The following RTN4RL1 variants were observed in gnomAD, a reference collection of about 807,000 sequenced individuals.
RTN4RL1 encodes reticulon 4 receptor like 1, also known as reticulon-4 receptor-like 1.
Under a neutral mutation model 25.6 loss-of-function variants are expected in RTN4RL1, and 7 were observed. The ratio of observed to expected loss-of-function variants is 0.27; its 90% confidence interval spans 0.16 to 0.51. The LOEUF (loss-of-function observed/expected upper bound fraction) is 0.51, where lower values mean the gene tolerates loss of function less well. Among genes scored for constraint, RTN4RL1 ranks in the 20% least tolerant of loss-of-function variants. RTN4RL1 has a pLI of 0.97. For missense variants in RTN4RL1, 500 were observed against 615.6 expected (o/e 0.81, Z 1.99); for synonymous variants, 297 against 288.2 (o/e 1.03, Z -0.31).
At chr17:1,949,792 G>A (rs1199712911) in intron 1 of RTN4RL1, among the ~76,000 whole-genome samples, 2 of 152,176 alleles carry the variant, frequency 1.3e-5, no homozygotes, top group Admixed American at 6.5e-5. Context: ...TAAGTGCTGG[G>A]GACAAAAAGG....
At chr17:1,990,492 G>C (rs1224438665) in intron 1 of RTN4RL1, among the ~76,000 whole-genome samples, 2 of 152,130 alleles carry the variant, frequency 1.3e-5, no homozygotes, top group African/African-American at 4.8e-5. Context: ...CTTGAGCTCA[G>C]GAGTTCAAGA....
chr17:2,005,643 G>A (rs1297199357), intron 1 of RTN4RL1, among the ~76,000 whole-genome samples: 2 of 152,028 alleles, frequency 1.3e-5, no homozygotes, highest in Non-Finnish European at 2.9e-5. Flanking sequence ...GAGGTGGGAG[G>A]ATCGCCTGAG....
intron 1 of RTN4RL1, among the ~76,000 whole-genome samples, chr17:1,983,558 C>T (rs572159705): frequency 6.6e-6 from 1 of 152,282 alleles, no homozygotes; most frequent in Non-Finnish European, 1.5e-5. Flanking sequence ...AGCACCACGC[C>T]TGGCTAACAG....
intron 1 of RTN4RL1, among the ~76,000 whole-genome samples, chr17:1,959,680 T>C (rs1022460804): frequency 2.0e-5 from 3 of 152,142 alleles, no homozygotes; most frequent in African/African-American, 7.2e-5. Context: ...TTCTCACACC[T>C]CAGCCTCCTG....
chr17:1,966,501 G>A (rs1448470130), intron 1 of RTN4RL1, among the ~76,000 whole-genome samples: 2 of 152,274 alleles, frequency 1.3e-5, no homozygotes, highest in African/African-American at 4.8e-5. Context: ...GGAATCCAAG[G>A]AGCAGCCTAA....
At chr17:2,004,769 T>TA (rs1372368462) in intron 1 of RTN4RL1, among the ~76,000 whole-genome samples, 1 of 152,166 alleles carries the variant, frequency 6.6e-6, no homozygotes. Flanking sequence ...CTGCTGGTCT[T>TA]GAGTTTCCTG....
chr17:1,995,697 A>G (rs1265083903), intron 1 of RTN4RL1: 2 of 152,276 alleles, frequency 1.3e-5, no homozygotes, highest in Admixed American at 6.5e-5. Context: ...AAGATCTACC[A>G]TCAAAGGTAA....
intron 1 of RTN4RL1, among the ~76,000 whole-genome samples, chr17:1,961,799 T>TAAAAAAACAAAAAAG (rs2066763351): frequency 2.6e-5 from 1 of 39,066 alleles, no homozygotes; most frequent in Non-Finnish European, 6.3e-5. Flanking sequence ...AAAAAAAAAA[T>TAAAAAAACAAAAAAG]TAGCAGGGCG....
At chr17:1,962,117 TAA>T (rs71150837) in intron 1 of RTN4RL1, among the ~76,000 whole-genome samples, 40,613 of 141,620 alleles carry the variant, frequency 0.29, 6,467 homozygotes, top group Non-Finnish European at 0.38. Flanking sequence ...CCCTATCTCT[TAA>T]AAAAAAAAAA....
chr17:1,939,237 C>T (rs1313108965), intron 1 of RTN4RL1, among the ~76,000 whole-genome samples: 1 of 148,390 alleles, frequency 6.7e-6, no homozygotes, highest in Non-Finnish European at 1.5e-5. Flanking sequence ...CTTGTAGTCC[C>T]AGCTACTTGG....
intron 1 of RTN4RL1, among the ~76,000 whole-genome samples, chr17:1,979,843 C>A (rs916086424): frequency 6.6e-6 from 1 of 152,144 alleles, no homozygotes; most frequent in Non-Finnish European, 1.5e-5. Context: ...TGCCGCTTAC[C>A]GCTAGGCAGG....
chr17:2,021,585 C>T (rs1485918080), intron 1 of RTN4RL1, among the ~76,000 whole-genome samples: 5 of 128,964 alleles, frequency 3.9e-5, no homozygotes, highest in Admixed American at 1.8e-4. Context: ...GACAGAGTCT[C>T]GCATCTTCTC....
chr17:1,938,624 A>G (rs1251660114), intron 1 of RTN4RL1, among the ~76,000 whole-genome samples: 1 of 151,840 alleles, frequency 6.6e-6, no homozygotes, highest in Non-Finnish European at 1.5e-5. Flanking sequence ...AATCATTCCC[A>G]ATTACAAGCA....
chr17:1,962,024 A>C (rs2066766271), intron 1 of RTN4RL1, among the ~76,000 whole-genome samples: 1 of 151,372 alleles, frequency 6.6e-6, no homozygotes, highest in African/African-American at 2.4e-5. Context: ...GCTCATGCTT[A>C]TAATCCCAGT....
At chr17:1,986,436 G>A (rs1253737310) in intron 1 of RTN4RL1, among the ~76,000 whole-genome samples, 5 of 152,062 alleles carry the variant, frequency 3.3e-5, no homozygotes, top group South Asian at 2.1e-4. Context: ...GGAAAAAGGC[G>A]TCTTTGTCGA....
Position 1,959,374 on chromosome 17 carries a change from ACT to A in RTN4RL1, c.14-21568_14-21567del, listed in dbSNP as rs544891693. On this transcript the variant is annotated intron_variant, in intron 1 of 1. Coordinates refer to ENST00000331238, the MANE Select transcript of RTN4RL1 (RefSeq NM_178568.4). Reference sequence around the variant, plus strand: ...ACACAGTTGGCCCTCCCCTCTGGAAACTCTTTCTTCTCTTCTCTTCAGAGACC... The same window carrying A: ...ACACAGTTGGCCCTCCCCTCTGGAAACTTTCTTCTCTTCTCTTCAGAGACC... Among the ~76,000 whole-genome samples, 363 of 151,336 alleles carry A rather than the reference ACT, an allele frequency of 2.4e-3. 3 individuals carry two copies. The highest frequency in any genetic ancestry group is 0.017 in the South Asian group (81 of 4,774).
At chr17:1,997,594 C>G (rs150365824) in intron 1 of RTN4RL1, among the ~76,000 whole-genome samples, 1 of 152,222 alleles carries the variant, frequency 6.6e-6, no homozygotes, top group South Asian at 2.1e-4. Flanking sequence ...GAGGATGTCA[C>G]CGTCCCCTCT....
chr17:1,977,992 C>A (rs2066850460), intron 1 of RTN4RL1, among the ~76,000 whole-genome samples: 1 of 151,098 alleles, frequency 6.6e-6, no homozygotes, highest in African/African-American at 2.4e-5. Context: ...CCGCATCTTG[C>A]ACCCCGGATC....
rs116469741 is a variant in RTN4RL1 at position 2,014,095 on chromosome 17, G to A, written c.13+10758C>T. ...TTTTGAAACTCAGGCTGTGCTTCTG[G>A]GAAAATCTTTCAGTAACCTTTTGGG... On this transcript the variant is annotated intron_variant, in intron 1 of 1. Coordinates refer to ENST00000331238, the MANE Select transcript of RTN4RL1 (RefSeq NM_178568.4). 3.2e-3 allele frequency among the ~76,000 whole-genome samples: 494 copies of A among 152,240 alleles called. 2 individuals carry two copies. The highest frequency in any genetic ancestry group is 0.012 in the African/African-American group (480 of 41,536).
Sources: allele counts gnomAD v4.1 joint callset (sites outside exome capture counted in the v4.1 genomes callset), GRCh38; gene constraint gnomAD v4.1.1; transcripts MANE v1.5; gene names NCBI Gene and HGNC (gene_info 2026-07-23, HGNC 2026-07-21).